L3MBTL4: variants seen among roughly 807,000 people sequenced by gnomAD.
L3MBTL4 encodes L3MBTL histone methyl-lysine binding protein 4.
In L3MBTL4, 70 loss-of-function variants were observed where a neutral mutation model predicts 84.5. The ratio of observed to expected loss-of-function variants is 0.83; its 90% CI spans 0.68 to 1.01. The LOEUF (loss-of-function observed/expected upper bound fraction) is 1.01, where lower values mean the gene tolerates loss of function less well. Ranked by LOEUF, L3MBTL4 falls within the 50% of genes least tolerant of loss-of-function variation. The pLI, the probability that L3MBTL4 is intolerant of heterozygous loss-of-function variation, is 0.00. For synonymous variants in L3MBTL4, 274 were observed against 259.8 expected (o/e 1.05, Z -0.52); for missense variants, 715 against 754.8 (o/e 0.95, Z 0.62).
At chr18:6,127,764 G>A (rs1368693809) in intron 14 of L3MBTL4, among the ~76,000 whole-genome samples, 4 of 152,110 alleles carry the variant, frequency 2.6e-5, no homozygotes, top group African/African-American at 4.8e-5. Flanking sequence ...TTTTTTGGAA[G>A]TAACTTTCTT....
At chr18:6,014,249 G>A (rs478608) in intron 16 of L3MBTL4, among the ~76,000 whole-genome samples, 48,766 of 151,990 alleles carry the variant, frequency 0.32, 10,283 homozygotes, top group African/African-American at 0.57. Flanking sequence ...CTTCTCTACC[G>A]TCTCTTAAAA....
chr18:6,269,522 C>T (rs771243156), intron 4 of L3MBTL4, among the ~76,000 whole-genome samples: 8 of 151,958 alleles, frequency 5.3e-5, no homozygotes, highest in Non-Finnish European at 8.8e-5. Flanking sequence ...ATATTTATAG[C>T]CAAAAATTAA....
Position 6,378,676 on chromosome 18 carries a change from A to G in L3MBTL4, c.-91+36125T>C, listed in dbSNP as rs182904330. ...GGCCTCTGTTCTGTTCTGTTGGTCT[A>G]TATGTCTGTTTTGGTACCAGTACCG... On this transcript the variant is annotated intron_variant, in intron 1 of 18. Transcript: ENST00000317931. Among the ~76,000 whole-genome samples, 5 of 152,224 alleles carry G rather than the reference A, an allele frequency of 3.3e-5. No individual in the cohort carries two copies. In the East Asian group the frequency reaches 7.7e-4, roughly 24 times the overall value.
intron 1 of L3MBTL4, among the ~76,000 whole-genome samples, chr18:6,387,764 A>C (rs1237998115): frequency 1.3e-5 from 2 of 152,252 alleles, no homozygotes; most frequent in Non-Finnish European, 2.9e-5. Context: ...CAAGACAAGA[A>C]GGGCTGCAAA....
Position 6,206,584 on chromosome 18 carries a change from C to T in L3MBTL4, c.981+6565G>A, listed in dbSNP as rs571998060. Among the ~76,000 whole-genome samples, 12 of 152,212 alleles carry T rather than the reference C, an allele frequency of 7.9e-5. No homozygotes were observed. In the South Asian group the frequency reaches 8.3e-4, roughly 11 times the overall value. ...CGTAGTGCTGCTCGGCCCGTGTTTC[C>T]GTTATTGGTATGCTGACTTTAATAA... On this transcript the variant is annotated intron_variant, in intron 12 of 18. Coordinates refer to ENST00000317931, the MANE Select transcript of L3MBTL4 (RefSeq NM_001330559.2).
chr18:6,046,661 A>G (rs2056632265), intron 16 of L3MBTL4: 2 of 726,844 alleles, frequency 2.8e-6, no homozygotes, highest in Non-Finnish European at 2.5e-6. Flanking sequence ...CTTTTAGGTA[A>G]ATAACAAAAC....
At chr18:6,411,963 TA>T (rs2055984476) in intron 1 of L3MBTL4, among the ~76,000 whole-genome samples, 1 of 152,198 alleles carries the variant, frequency 6.6e-6, no homozygotes, top group Non-Finnish European at 1.5e-5. Flanking sequence ...ACTAAAATAA[TA>T]TTTTAGTAGA....
chr18:6,038,228 A>T (rs1360190545), intron 16 of L3MBTL4, among the ~76,000 whole-genome samples: 2 of 149,498 alleles, frequency 1.3e-5, no homozygotes, highest in African/African-American at 4.9e-5. Context: ...ATTCTAGAGG[A>T]TACTAGAAAT....
intron 4 of L3MBTL4, among the ~76,000 whole-genome samples, chr18:6,294,253 A>T (rs2049994070): frequency 6.6e-6 from 1 of 152,188 alleles, no homozygotes; most frequent in South Asian, 2.1e-4. Context: ...TCAATTAAAA[A>T]AGGAGAAGAA....
At chr18:6,121,686 G>A (rs1042245258) in intron 14 of L3MBTL4, among the ~76,000 whole-genome samples, 14 of 79,962 alleles carry the variant, frequency 1.8e-4, no homozygotes, top group Admixed American at 5.1e-4. Context: ...TTGTTTCCCC[G>A]TGTGTGTGTG....
chr18:6,234,238 T>C (rs558317595), intron 10 of L3MBTL4, among the ~76,000 whole-genome samples: 1 of 152,306 alleles, frequency 6.6e-6, no homozygotes, highest in South Asian at 2.1e-4. Flanking sequence ...GGCAGTACCA[T>C]TCAGGACATA....
intron 12 of L3MBTL4, among the ~76,000 whole-genome samples, chr18:6,188,735 C>G (rs2044911040): frequency 6.6e-6 from 1 of 152,216 alleles, no homozygotes; most frequent in African/African-American, 2.4e-5. Context: ...GCCGAAACCC[C>G]AGACCCTGAG....
intron 14 of L3MBTL4, among the ~76,000 whole-genome samples, chr18:6,105,669 G>A (rs953881874): frequency 5.3e-5 from 8 of 151,622 alleles, no homozygotes; most frequent in East Asian, 2.0e-4. Flanking sequence ...GAGTGATGGC[G>A]GGTGCCTGTA....
chr18:6,034,449 C>T lies in L3MBTL4; in HGVS notation c.1444+46432G>A, dbSNP rs567085633. On this transcript the variant is annotated intron_variant, in intron 16 of 18. Coordinates refer to ENST00000317931, the MANE Select transcript of L3MBTL4 (RefSeq NM_001330559.2). ...TACTGAGAATGATGATTTGCAATTT[C>T]ATCCCTGTCCCTACAAACGACATGA... Among the ~76,000 whole-genome samples the T allele has an allele frequency of 5.8e-4, 88 of 152,310 alleles. 1 individual carries two copies. The highest frequency in any genetic ancestry group is 2.0e-3 in the African/African-American group (82 of 41,560).
chr18:6,160,771 G>C (rs2043304809), intron 13 of L3MBTL4, among the ~76,000 whole-genome samples: 1 of 149,504 alleles, frequency 6.7e-6, no homozygotes, highest in South Asian at 2.1e-4. Flanking sequence ...AATCAGAGCA[G>C]AAAGGAAATG....
Position 6,244,585 on chromosome 18 carries a change from G to T in L3MBTL4, c.223C>A (p.Gln75Lys), listed in dbSNP as rs1477439076. The change falls in exon 6 of 19, where the codon CAG becomes AAG. Residue 75 changes from glutamine to lysine, a missense_variant. Gln to Lys is a moderately conservative substitution (Grantham distance 53). Transcript: ENST00000317931. ...AAPVELFSKDQSFPEHENGFQ... is the reference protein window; with the variant it reads ...AAPVELFSKDKSFPEHENGFQ... The stretch of plus-strand genomic sequence containing the variant: ...CCATTTTCATGCTCTGGAAAGGACT[G>T]ATCCTACAAAATTTCACGACATAAC... 1 of 1,606,934 alleles carries T rather than the reference G, an allele frequency of 6.2e-7. No homozygotes were observed. Among genetic ancestry groups the T allele is most frequent in the East Asian group, 2.2e-5 (1 of 44,816 alleles).
chr18:6,104,717 T>C (rs1452083787), intron 14 of L3MBTL4, among the ~76,000 whole-genome samples: 1 of 152,218 alleles, frequency 6.6e-6, no homozygotes, highest in African/African-American at 2.4e-5. Context: ...CGAAGATAGA[T>C]CTCATATTGT....
At chr18:6,050,484 A>T (rs1303028593) in intron 16 of L3MBTL4, among the ~76,000 whole-genome samples, 1 of 152,218 alleles carries the variant, frequency 6.6e-6, no homozygotes, top group Non-Finnish European at 1.5e-5. Flanking sequence ...TTTAAGAGCA[A>T]AGTTCCATAG....
chr18:6,415,074 G>A (rs1290377418), upstream of L3MBTL4: 2 of 152,282 alleles, frequency 1.3e-5, no homozygotes, highest in Non-Finnish European at 2.9e-5. Flanking sequence ...CCCATGGGAG[G>A]GAGGTGGCTG....
Sources: allele counts gnomAD v4.1 joint callset (sites outside exome capture counted in the v4.1 genomes callset), GRCh38; gene constraint gnomAD v4.1.1; transcripts MANE v1.5; gene names NCBI Gene and HGNC (gene_info 2026-07-23, HGNC 2026-07-21).